Variants in PLA2G5 observed in about 807,000 individuals in gnomAD.
PLA2G5 encodes Ca2+-dependent phospholipase A2.
A neutral mutation model predicts 15.9 loss-of-function variants in PLA2G5; 12 were observed. The ratio of observed to expected loss-of-function variants is 0.76; its 90% confidence interval spans 0.48 to 1.23. The LOEUF is 1.23. Among genes scored for constraint, PLA2G5 ranks in the 50% most tolerant of loss-of-function variants. The probability of loss-of-function intolerance (pLI) is 0.00; values close to 1 mark genes in which losing one functional copy is unlikely to be tolerated. For synonymous variants in PLA2G5, 71 were observed against 71.4 expected (o/e 0.99, Z 0.03); for missense variants, 169 against 177.1 (o/e 0.95, Z 0.26).
rs566193771 is a variant in PLA2G5 at position 20,070,371 on chromosome 1, G to C, written c.-105G>C. On this transcript the variant is annotated 5_prime_UTR_variant, in exon 1 of 5. Coordinates refer to ENST00000375108, the MANE Select transcript of PLA2G5 (RefSeq NM_000929.3). ...GGATACCAATGTTCCGACTGGAGACGGGGAGCCCGCGAGACCCGGGTCTCC... is the reference window on the plus strand; with the variant it reads ...GGATACCAATGTTCCGACTGGAGACCGGGAGCCCGCGAGACCCGGGTCTCC... The C allele has an allele frequency of 1.0e-6, 1 of 985,302 alleles. No homozygotes were observed. Among genetic ancestry groups the C allele is most frequent in the Non-Finnish European group, 1.2e-6 (1 of 829,918 alleles). 61.0% of individuals were successfully genotyped at this position (985,302 alleles called of 1,614,324 possible).
At chr1:20,085,760 G>T (rs1023431797) in intron 2 of PLA2G5, among the ~76,000 whole-genome samples, 8 of 152,150 alleles carry the variant, frequency 5.3e-5, no homozygotes, top group African/African-American at 1.2e-4. Context: ...TAACCCTCAT[G>T]ACAACTCCAA....
In PLA2G5 at chr1:20,091,752, A is replaced by T. The variant is rs532291483; in HGVS notation, c.*1060A>T. ...GATACCAAGACTGAAAGAAGAAAGGATGTATTCCAAAACAAAGGAACATCC... is the reference window on the plus strand; with the variant it reads ...GATACCAAGACTGAAAGAAGAAAGGTTGTATTCCAAAACAAAGGAACATCC... On this transcript the variant is annotated 3_prime_UTR_variant, in exon 5 of 5. Coordinates refer to ENST00000375108, the MANE Select transcript of PLA2G5 (RefSeq NM_000929.3). Among the ~76,000 whole-genome samples the T allele has an allele frequency of 7.2e-5, 11 of 152,210 alleles. No individual in the cohort carries two copies. Among genetic ancestry groups the T allele is most frequent in the Non-Finnish European group, 1.6e-4 (11 of 68,046 alleles).
chr1:20,038,179 G>A (rs1357219254), intron 1 of PLA2G5, among the ~76,000 whole-genome samples: 1 of 152,108 alleles, frequency 6.6e-6, no homozygotes, highest in African/African-American at 2.4e-5. Flanking sequence ...AAGCCTCCCT[G>A]TTGAGAAAGC....
At chr1:20,041,860 A>G (rs1247189085) in intron 1 of PLA2G5, among the ~76,000 whole-genome samples, 1 of 152,176 alleles carries the variant, frequency 6.6e-6, no homozygotes, top group Non-Finnish European at 1.5e-5. Context: ...CAGAAGTTGG[A>G]ACGCTAGGTG....
chr1:20,084,953 G>A (rs2016209929), intron 2 of PLA2G5, 83 bp downstream of exon 2: 2 of 955,192 alleles, frequency 2.1e-6, no homozygotes, highest in Admixed American at 3.4e-5. Context: ...AGCCATTGAG[G>A]TCGTAGAGAC....
intron 1 of PLA2G5, among the ~76,000 whole-genome samples, chr1:20,039,975 C>T (rs1358794432): frequency 1.3e-5 from 2 of 152,168 alleles, no homozygotes; most frequent in Non-Finnish European, 2.9e-5. Context: ...TCACAAAGAA[C>T]CACAATGGAC....
At chr1:20,055,863 T>C (rs2014405824) in intron 1 of PLA2G5, among the ~76,000 whole-genome samples, 1 of 152,180 alleles carries the variant, frequency 6.6e-6, no homozygotes, top group Non-Finnish European at 1.5e-5. Context: ...AGTGGAGAAC[T>C]AAGTGCTGCA....
chr1:20,077,618 G>T (rs2015760859), intron 1 of PLA2G5, among the ~76,000 whole-genome samples: 1 of 152,228 alleles, frequency 6.6e-6, no homozygotes. Flanking sequence ...CCTACAGGGT[G>T]CCAGGCACTG....
intron 1 of PLA2G5, among the ~76,000 whole-genome samples, chr1:20,075,214 T>C (rs2015602521): frequency 6.6e-6 from 1 of 152,204 alleles, no homozygotes; most frequent in Admixed American, 6.5e-5. Context: ...TATCTTGTTC[T>C]TGATCAAGAT....
At chr1:20,043,506 T>C (rs1203222611) in intron 1 of PLA2G5, among the ~76,000 whole-genome samples, 2 of 150,566 alleles carry the variant, frequency 1.3e-5, no homozygotes, top group Non-Finnish European at 3.0e-5. Context: ...AGGGAGGGAG[T>C]AGAGGTGTCC....
chr1:20,052,835 T>C (rs986935551), intron 1 of PLA2G5, among the ~76,000 whole-genome samples: 1 of 152,196 alleles, frequency 6.6e-6, no homozygotes, highest in African/African-American at 2.4e-5. Flanking sequence ...AGTCACCCCC[T>C]GCCCACTAAG....
chr1:20,057,510 C>A (rs189545651), intron 1 of PLA2G5, among the ~76,000 whole-genome samples: 94 of 152,056 alleles, frequency 6.2e-4, no homozygotes, highest in African/African-American at 2.0e-3. Context: ...CTATATATGT[C>A]TTTATATTTA....
chr1:20,051,104 G>C (rs1326895497), intron 1 of PLA2G5, among the ~76,000 whole-genome samples: 1 of 152,122 alleles, frequency 6.6e-6, no homozygotes, highest in Non-Finnish European at 1.5e-5. Context: ...ATTTAAAATA[G>C]TTATGTTAAA....
chr1:20,041,646 A>G (rs1025494301), intron 1 of PLA2G5, among the ~76,000 whole-genome samples: 10 of 152,228 alleles, frequency 6.6e-5, no homozygotes, highest in African/African-American at 2.4e-4. Context: ...AGAGGTTCTA[A>G]GAGACAGGCT....
chr1:20,032,369 T>G (rs968513764), intron 1 of PLA2G5, among the ~76,000 whole-genome samples: 3 of 151,522 alleles, frequency 2.0e-5, no homozygotes, highest in Non-Finnish European at 4.4e-5. Context: ...TTTTTTTTGA[T>G]GGTGGTAGGA....
Position 20,059,144 on chromosome 1 carries a change from C to T in PLA2G5, n.277-488C>T, listed in dbSNP as rs572215861. Among the ~76,000 whole-genome samples the T allele has an allele frequency of 6.2e-4, 81 of 130,748 alleles. 1 individual carries two copies. Among genetic ancestry groups the T allele is most frequent in the African/African-American group, 2.2e-3 (78 of 35,428 alleles). The allele number at this position is 130,748 out of a possible 152,430, so 85.8% of individuals were successfully genotyped here. The stretch of plus-strand genomic sequence containing the variant: ...TCAAAAAAAAAAAAAAAAAAAAGGG[C>T]TCACATGACCGAGTGTGGTGGCTCA... On this transcript the variant is annotated intron_variant and non_coding_transcript_variant, in intron 1 of 6. Transcript: ENST00000460175.
intron 1 of PLA2G5, among the ~76,000 whole-genome samples, chr1:20,077,916 A>C (rs1020786203): frequency 1.3e-5 from 2 of 152,166 alleles, no homozygotes; most frequent in Non-Finnish European, 2.9e-5. Flanking sequence ...TCTGTCCGGG[A>C]CACCCCCGGA....
At chr1:20,067,887 G>C (rs1453518888), upstream of PLA2G5, among the ~76,000 whole-genome samples, 1 of 152,208 alleles carries the variant, frequency 6.6e-6, no homozygotes, top group Admixed American at 6.5e-5. Flanking sequence ...GAGAGGCTGA[G>C]GCAGGCGGAT....
At chr1:20,048,183 G>A (rs927921567) in intron 1 of PLA2G5, among the ~76,000 whole-genome samples, 1 of 151,974 alleles carries the variant, frequency 6.6e-6, no homozygotes, top group Admixed American at 6.6e-5. Flanking sequence ...AGTTTATCAG[G>A]AAAAAAGAAA....
Sources: allele counts gnomAD v4.1 joint callset (sites outside exome capture counted in the v4.1 genomes callset), GRCh38; gene constraint gnomAD v4.1.1; transcripts MANE v1.5; gene names NCBI Gene and HGNC (gene_info 2026-07-23, HGNC 2026-07-21).